Variants in ARFGEF2 observed in about 807,000 individuals in gnomAD.
The protein encoded by ARFGEF2 is brefeldin A-inhibited guanine nucleotide-exchange protein 2.
ARFGEF2 carries 74 observed loss-of-function variants against 219.9 expected under a neutral mutation model. The observed-to-expected ratio is 0.34, with a 90% CI of 0.28 to 0.41. ARFGEF2 has a LOEUF of 0.41. Ranked by LOEUF, ARFGEF2 falls within the 10% of genes least tolerant of loss-of-function variation. ARFGEF2 has a pLI of 1.00. For missense variants in ARFGEF2, 1,743 were observed against 2,218.3 expected (o/e 0.79, Z 4.30); for synonymous variants, 733 against 799.2 (o/e 0.92, Z 1.40).
intron 34 of ARFGEF2, among the ~76,000 whole-genome samples, chr20:49,020,365 G>A (rs746503647): frequency 2.0e-5 from 3 of 152,224 alleles, no homozygotes; most frequent in African/African-American, 4.8e-5. Flanking sequence ...AAGAGGTATC[G>A]TGTTGGGACT....
chr20:48,992,338 G>A (rs2123468216), intron 21 of ARFGEF2, among the ~76,000 whole-genome samples: 1 of 152,198 alleles, frequency 6.6e-6, no homozygotes, highest in East Asian at 1.9e-4. Context: ...CCATCTACAT[G>A]TATTACTTTT....
At chr20:48,928,436 G>T (rs1322810713) in intron 1 of ARFGEF2, among the ~76,000 whole-genome samples, 1 of 145,908 alleles carries the variant, frequency 6.9e-6, no homozygotes, top group Non-Finnish European at 1.5e-5. Flanking sequence ...CTGACCTCGT[G>T]ATCCGCCCGC....
chr20:48,974,899 C>A, intron 13 of ARFGEF2, 25 bp downstream of exon 13: 1 of 1,563,632 alleles, frequency 6.4e-7, no homozygotes, highest in Non-Finnish European at 8.8e-7. Context: ...CTGCCACACC[C>A]ACCTCCATTC....
At chr20:49,005,769 A>G (rs970148923) in intron 26 of ARFGEF2, among the ~76,000 whole-genome samples, 32 of 150,430 alleles carry the variant, frequency 2.1e-4, no homozygotes, top group African/African-American at 7.3e-4. Flanking sequence ...GAAAAGAAAT[A>G]TGTCATGAAC....
In ARFGEF2 at chr20:48,973,312, A is replaced by G. The variant is rs200003887; in HGVS notation, c.1665+28A>G. The G allele has an allele frequency of 1.3e-4, 212 of 1,612,010 alleles. 3 individuals carry two copies. The African/African-American group carries it at 1.7e-3, about 13-fold the overall frequency. On this transcript the variant is annotated intron_variant, in intron 12 of 38. Transcript: ENST00000371917. ...AAAAACACTGTGGACACTCAATTATATTAAAGTTTATTCATTCCAATAAAC... is the reference window on the plus strand; with the variant it reads ...AAAAACACTGTGGACACTCAATTATGTTAAAGTTTATTCATTCCAATAAAC...
intron 1 of ARFGEF2, among the ~76,000 whole-genome samples, chr20:48,937,915 G>A (rs1356807959): frequency 6.6e-6 from 1 of 152,222 alleles, no homozygotes; most frequent in Non-Finnish European, 1.5e-5. Flanking sequence ...GGTTCACAGA[G>A]CAGTAAAACA....
At chr20:48,922,391 A>G (rs753922547) in intron 1 of ARFGEF2, among the ~76,000 whole-genome samples, 63 of 152,356 alleles carry the variant, frequency 4.1e-4, no homozygotes, top group Middle Eastern at 6.8e-3. Flanking sequence ...TGAACAGAGC[A>G]TGTAGGAAGA....
At chr20:48,925,022 G>A (rs578027307) in intron 1 of ARFGEF2, among the ~76,000 whole-genome samples, 9 of 152,204 alleles carry the variant, frequency 5.9e-5, no homozygotes, top group East Asian at 1.9e-4. Flanking sequence ...TTAGTTCCTC[G>A]TTCAGGAATG....
intron 1 of ARFGEF2, among the ~76,000 whole-genome samples, chr20:48,930,730 G>C (rs2090908080): frequency 6.6e-6 from 1 of 152,188 alleles, no homozygotes; most frequent in Admixed American, 6.6e-5. Context: ...GTATGAGCCT[G>C]ATGTTCATAA....
intron 6 of ARFGEF2, among the ~76,000 whole-genome samples, chr20:48,963,038 T>TCC (rs2091163616): frequency 6.6e-6 from 1 of 151,904 alleles, no homozygotes; most frequent in Non-Finnish European, 1.5e-5. Flanking sequence ...AGAAACCTCA[T>TCC]CTCTACTAAA....
At chr20:48,977,429 A>G (rs537681019) in intron 14 of ARFGEF2, among the ~76,000 whole-genome samples, 5 of 152,222 alleles carry the variant, frequency 3.3e-5, no homozygotes, top group Non-Finnish European at 7.3e-5. Context: ...TAGTGCCGCA[A>G]TAAACATACG....
chr20:49,031,249 T>G (rs923511873), intron 37 of ARFGEF2, among the ~76,000 whole-genome samples: 10 of 101,360 alleles, frequency 9.9e-5, no homozygotes, highest in Non-Finnish European at 1.9e-4. Flanking sequence ...TTTTTTTTTT[T>G]GAGATAGTCT....
At chr20:48,982,277 A>T (rs551339781) in intron 14 of ARFGEF2, among the ~76,000 whole-genome samples, 1 of 151,984 alleles carries the variant, frequency 6.6e-6, no homozygotes, top group Non-Finnish European at 1.5e-5. Context: ...CTGGAGGTCC[A>T]CTCCAGACCC....
chr20:48,947,008 T>G (rs2091033078), intron 3 of ARFGEF2, among the ~76,000 whole-genome samples: 1 of 152,190 alleles, frequency 6.6e-6, no homozygotes, highest in African/African-American at 2.4e-5. Context: ...GGTCTTACTT[T>G]GTTGCCCAGG....
chr20:48,951,391 C>G lies in ARFGEF2; in HGVS notation c.345C>G (p.Ile115Met). 6 of 1,614,202 alleles carry G rather than the reference C, an allele frequency of 3.7e-6. No individual in the cohort carries two copies. Among genetic ancestry groups the G allele is most frequent in the African/African-American group, 1.3e-5 (1 of 75,044 alleles). ...GTGGAGCCCCTGGGAAGCGGCTGAT[C>G]GACAGAATTGTTGAAACCATTTGCA... ...PDSGAPGKRLIDRIVETICSC... is the reference protein window; with the variant it reads ...PDSGAPGKRLMDRIVETICSC... The change falls in exon 4 of 39, where the codon ATC (isoleucine) becomes ATG (methionine). Residue 115 changes from isoleucine (I) to methionine (M), a missense_variant. By Grantham distance (10) the Ile-to-Met change is conservative. Coordinates refer to ENST00000371917, the MANE Select transcript of ARFGEF2 (RefSeq NM_006420.3).
intron 14 of ARFGEF2, among the ~76,000 whole-genome samples, chr20:48,977,890 T>C (rs1288835709): frequency 2.6e-5 from 4 of 152,190 alleles, no homozygotes; most frequent in Non-Finnish European, 5.9e-5. Context: ...CTTTGTCAGA[T>C]GGGTAGATTG....
intron 25 of ARFGEF2, among the ~76,000 whole-genome samples, chr20:48,999,871 T>C (rs1555813089): frequency 1.3e-5 from 2 of 152,140 alleles, no homozygotes; most frequent in Non-Finnish European, 1.5e-5. Context: ...CAAGAAAATT[T>C]TCTCAAACCT....
chr20:49,020,119 G>A (rs1159082824), intron 34 of ARFGEF2, among the ~76,000 whole-genome samples: 1 of 152,186 alleles, frequency 6.6e-6, no homozygotes, highest in Non-Finnish European at 1.5e-5. Context: ...GTAGAGTGGG[G>A]ATTCAGACAC....
intron 3 of ARFGEF2, among the ~76,000 whole-genome samples, chr20:48,943,473 G>A (rs2091006369): frequency 6.6e-6 from 1 of 152,144 alleles, no homozygotes; most frequent in South Asian, 2.1e-4. Context: ...CGAGAAACAG[G>A]ACTATAACTT....
Sources: gnomAD v4.1 joint callset for allele counts (sites outside exome capture counted in the v4.1 genomes callset) on GRCh38, gnomAD v4.1.1 for gene constraint, MANE v1.5 for transcripts, NCBI Gene and HGNC (gene_info 2026-07-23, HGNC 2026-07-21) for gene names.